TGFBR1: variants seen among roughly 807,000 people sequenced by gnomAD.
TGFBR1 encodes the protein transforming growth factor beta receptor 1, also known as TGF-beta receptor type-1.
Under a neutral mutation model 55.1 loss-of-function variants are expected in TGFBR1, and 20 were observed. That is an observed-to-expected ratio of 0.36 (90% CI 0.26 to 0.53). TGFBR1 has a LOEUF of 0.53. Ranked by LOEUF, TGFBR1 falls within the 20% of genes least tolerant of loss-of-function variation. TGFBR1 has a pLI of 0.91. For missense variants in TGFBR1, 385 were observed against 617.6 expected, an observed-to-expected ratio of 0.62 and a Z score of 3.99; for synonymous variants, 220 against 214.8, an observed-to-expected ratio of 1.02 and a Z score of -0.21.
intron 1 of TGFBR1, among the ~76,000 whole-genome samples, chr9:99,111,074 C>G (rs1159711687): frequency 6.6e-6 from 1 of 152,158 alleles, no homozygotes; most frequent in Admixed American, 6.5e-5. Flanking sequence ...CATTCAGATA[C>G]TAACAGTCTT....
At chr9:99,144,616 T>C (rs1400400464) in intron 5 of TGFBR1, 116 bp from the exon 6 acceptor site, 7 of 1,145,508 alleles carry the variant, frequency 6.1e-6, no homozygotes, top group African/African-American at 1.5e-5. Flanking sequence ...TTGTAGGTCA[T>C]GTGGGCTGAA....
At chr9:99,115,035 G>T (rs923031256) in intron 1 of TGFBR1, among the ~76,000 whole-genome samples, 1 of 152,116 alleles carries the variant, frequency 6.6e-6, no homozygotes, top group Non-Finnish European at 1.5e-5. Flanking sequence ...TAGCATGAGG[G>T]CATTCTGTGG....
intron 1 of TGFBR1, among the ~76,000 whole-genome samples, chr9:99,109,156 A>T (rs1237002503): frequency 1.3e-5 from 2 of 152,166 alleles, no homozygotes; most frequent in African/African-American, 4.8e-5. Context: ...CACAGAATTT[A>T]TGAAAAGTGA....
At chr9:99,127,493 T>A (rs928251067) in intron 1 of TGFBR1, among the ~76,000 whole-genome samples, 1 of 152,196 alleles carries the variant, frequency 6.6e-6, no homozygotes, top group Admixed American at 6.5e-5. Context: ...AATATTCTTA[T>A]CAGGGAGAAT....
intron 3 of TGFBR1, among the ~76,000 whole-genome samples, chr9:99,135,455 T>A (rs1229797156): frequency 6.6e-6 from 1 of 152,220 alleles, no homozygotes; most frequent in East Asian, 1.9e-4. Context: ...AATTCATATG[T>A]TTATTACTTA....
At chr9:99,121,260 T>C (rs1378510966) in intron 1 of TGFBR1, among the ~76,000 whole-genome samples, 1 of 152,200 alleles carries the variant, frequency 6.6e-6, no homozygotes, top group African/African-American at 2.4e-5. Flanking sequence ...TACTTTGATA[T>C]TACTGCTGCA....
chr9:99,125,143 A>G (rs763078556), intron 1 of TGFBR1, among the ~76,000 whole-genome samples: 1 of 152,208 alleles, frequency 6.6e-6, no homozygotes. Flanking sequence ...AACTTCAGTG[A>G]TAATAAAAGC....
intron 6 of TGFBR1, among the ~76,000 whole-genome samples, 154 bp from the exon 7 acceptor site, chr9:99,146,331 C>T (rs1356032768): frequency 2.0e-5 from 3 of 152,004 alleles, no homozygotes; most frequent in African/African-American, 7.3e-5. Context: ...ATGTGCAAAC[C>T]AGTGTGGATA....
intron 3 of TGFBR1, among the ~76,000 whole-genome samples, chr9:99,134,812 A>ATATATATATATCCAT (rs1281281392): frequency 3.2e-5 from 1 of 30,800 alleles, no homozygotes; most frequent in Admixed American, 2.7e-4. Flanking sequence ...TTATATATAT[A>ATATATATATATCCAT]TATATATATA....
At chr9:99,126,031 A>T (rs1420887752) in intron 1 of TGFBR1, among the ~76,000 whole-genome samples, 1 of 152,214 alleles carries the variant, frequency 6.6e-6, no homozygotes, top group Admixed American at 6.5e-5. Flanking sequence ...TATTGAAAGG[A>T]GATACCAATT....
chr9:99,118,319 T>C (rs936894063), intron 1 of TGFBR1, among the ~76,000 whole-genome samples: 4 of 152,226 alleles, frequency 2.6e-5, no homozygotes, highest in Admixed American at 2.6e-4. Flanking sequence ...CTTTTGTTTA[T>C]TTCTGACTTA....
rs2118779576 is a variant in TGFBR1 at position 99,142,647 on chromosome 9, C to A, written c.917C>A (p.Ala306Asp). The stretch of plus-strand genomic sequence containing the variant: ...ACTGTGGAAGGAATGATAAAACTTG[C>A]TCTGTCCACGGCGAGCGGTCTTGCC... ...TVTVEGMIKL[A>D]LSTASGLAHL... Residue 306 changes from alanine to aspartate, a missense_variant, in exon 5 of 9, where the codon GCT becomes GAT. Coordinates refer to ENST00000374994, the MANE Select transcript of TGFBR1 (RefSeq NM_004612.4). The A allele has an allele frequency of 6.2e-7, 1 of 1,614,096 alleles. No homozygotes were observed. The highest frequency in any genetic ancestry group is 1.1e-5 in the South Asian group (1 of 91,086).
Position 99,116,480 on chromosome 9 carries a change from T to C in TGFBR1, c.97+11178T>C, listed in dbSNP as rs183157694. Among the ~76,000 whole-genome samples the C allele has an allele frequency of 5.2e-4, 79 of 152,330 alleles. No homozygotes were observed. The East Asian group carries it at 6.7e-3, about 13-fold the overall frequency. ...GTAACTGGGAAAAAGGAAAATCTTA[T>C]GGAAGAAATGAGTATAATCACCTGT... On this transcript the variant is annotated intron_variant, in intron 1 of 8. Coordinates refer to ENST00000374994, the MANE Select transcript of TGFBR1 (RefSeq NM_004612.4).
At chr9:99,124,245 T>C (rs1826972574) in intron 1 of TGFBR1, among the ~76,000 whole-genome samples, 1 of 152,184 alleles carries the variant, frequency 6.6e-6, no homozygotes, top group African/African-American at 2.4e-5. Context: ...ATTTTAATTA[T>C]CTGTTTAATG....
At chr9:99,110,953 A>G (rs1283193797) in intron 1 of TGFBR1, among the ~76,000 whole-genome samples, 1 of 152,234 alleles carries the variant, frequency 6.6e-6, no homozygotes, top group East Asian at 1.9e-4. Flanking sequence ...GAGTAAATAC[A>G]TTGTTAGAGC....
chr9:99,126,749 C>G (rs1827053365), intron 1 of TGFBR1, among the ~76,000 whole-genome samples: 1 of 152,152 alleles, frequency 6.6e-6, no homozygotes, highest in African/African-American at 2.4e-5. Context: ...ACAGCCATCA[C>G]CATCACACCT....
chr9:99,114,375 A>C (rs181716729), intron 1 of TGFBR1, among the ~76,000 whole-genome samples: 2 of 152,326 alleles, frequency 1.3e-5, no homozygotes, highest in East Asian at 3.9e-4. Flanking sequence ...ATTTGCATAG[A>C]TCTCATTGCC....
intron 1 of TGFBR1, among the ~76,000 whole-genome samples, chr9:99,120,262 C>T (rs1487587944): frequency 6.6e-6 from 1 of 152,166 alleles, no homozygotes; most frequent in East Asian, 1.9e-4. Context: ...ACTACCATAT[C>T]CTTATAATAC....
At chr9:99,127,737 G>T (rs1032159214) in intron 1 of TGFBR1, 8 of 357,702 alleles carry the variant, frequency 2.2e-5, no homozygotes, top group Non-Finnish European at 4.4e-5. Flanking sequence ...TGGCCATTCC[G>T]TGTACCTAGA....
Sources: allele counts gnomAD v4.1 joint callset (sites outside exome capture counted in the v4.1 genomes callset), GRCh38; gene constraint gnomAD v4.1.1; transcripts MANE v1.5; gene names NCBI Gene and HGNC (gene_info 2026-07-23, HGNC 2026-07-21).